ZNF81: variants seen among roughly 807,000 people sequenced by gnomAD.
ZNF81 encodes the protein zinc finger protein 81.
Under a neutral mutation model 32.3 loss-of-function variants are expected in ZNF81, and 5 were observed. The ratio of observed to expected loss-of-function variants is 0.15; its 90% confidence interval spans 0.08 to 0.33. ZNF81 has a LOEUF of 0.33. Ranked by LOEUF, ZNF81 falls within the 10% of genes least tolerant of loss-of-function variation. The pLI is 1.00. For synonymous variants in ZNF81, 163 were observed against 166.8 expected (o/e 0.98, Z 0.17); for missense variants, 379 against 479.8 (o/e 0.79, Z 1.96).
chrX:47,895,366 G>C (rs1443409921), intron 3 of ZNF81, among the ~76,000 whole-genome samples: 13 of 111,341 alleles, frequency 1.2e-4, no homozygotes, highest in African/African-American at 4.3e-4. Flanking sequence ...CATGCGTAGA[G>C]GGAAGACAAT....
chrX:47,880,633 A>G (rs782512377), intron 2 of ZNF81, among the ~76,000 whole-genome samples: 1 of 112,075 alleles, frequency 8.9e-6, no homozygotes, highest in Non-Finnish European at 1.9e-5. Context: ...TAATAATTTT[A>G]ATATAAAACT....
chrX:47,896,058 T>A, intron 4 of ZNF81, 118 bp downstream of exon 4: 1 of 540,875 alleles, frequency 1.8e-6, no homozygotes, highest in Non-Finnish European at 3.1e-6. Context: ...ATAAATTGCT[T>A]GAGGATAGGT....
At chrX:47,845,088 C>A (rs1298075955) in intron 1 of ZNF81, among the ~76,000 whole-genome samples, 1 of 111,707 alleles carries the variant, frequency 9.0e-6, no homozygotes, top group Non-Finnish European at 1.9e-5. Flanking sequence ...AGTATGTTTT[C>A]CCTCTTGTTT....
At chrX:47,886,229 T>C (rs781897008) in intron 2 of ZNF81, among the ~76,000 whole-genome samples, 39 of 112,381 alleles carry the variant, frequency 3.5e-4, no homozygotes, top group Non-Finnish European at 5.6e-4. Context: ...CACCTTTCTG[T>C]CTCTTTCTCT....
chrX:47,914,178 A>G (rs1030737727), intron 4 of ZNF81, among the ~76,000 whole-genome samples: 1 of 111,786 alleles, frequency 8.9e-6, no homozygotes, highest in African/African-American at 3.3e-5. Context: ...CTACCAAAAT[A>G]GGACTAGACT....
At chrX:47,880,774 T>G (rs1456746720) in intron 2 of ZNF81, among the ~76,000 whole-genome samples, 2 of 112,141 alleles carry the variant, frequency 1.8e-5, no homozygotes, top group Non-Finnish European at 3.8e-5. Context: ...CCTCCCTAAT[T>G]GTCTTACTTC....
chrX:47,874,464 G>A (rs1044759814), intron 2 of ZNF81, among the ~76,000 whole-genome samples: 102 of 112,466 alleles, frequency 9.1e-4, no homozygotes, highest in African/African-American at 3.1e-3. Context: ...GTTGTAAACT[G>A]GAAACACACA....
Position 47,920,765 on chromosome X carries a change from A to C in ZNF81, c.*4133A>C, listed in dbSNP as rs1021548617. ...GTTTCTTGAGAGCACTCAGTGGATGACTATGGAGAAGAGCCTGCAAGCAGA... is the reference window on the plus strand; with the variant it reads ...GTTTCTTGAGAGCACTCAGTGGATGCCTATGGAGAAGAGCCTGCAAGCAGA... On this transcript the variant is annotated 3_prime_UTR_variant, in exon 5 of 5. Coordinates refer to ENST00000338637, the MANE Select transcript of ZNF81 (RefSeq NM_007137.5). The C allele has an allele frequency of 2.7e-5, 3 of 110,458 alleles. No individual in the cohort carries two copies. The Admixed American group carries it at 2.9e-4, about 11-fold the overall frequency. The allele number at this position is 110,458 out of a possible 1,213,427, so 9.1% of individuals were successfully genotyped here. A position where few individuals can be genotyped will look rare whatever the true frequency, so the allele number is the denominator to read the frequency against.
chrX:47,837,154 G>A (rs1207492), intron 1 of ZNF81, 167 bp downstream of exon 1: 6,899 of 116,508 alleles, frequency 0.059, 501 homozygotes, highest in African/African-American at 0.21. Context: ...ATTGGGTTTG[G>A]AGCATTATGT....
At chrX:47,878,312 A>C (rs1274243029) in intron 2 of ZNF81, among the ~76,000 whole-genome samples, 1 of 112,079 alleles carries the variant, frequency 8.9e-6, no homozygotes, top group Non-Finnish European at 1.9e-5. Flanking sequence ...ACTGGTTGTT[A>C]CTAAGGGTAG....
At chrX:47,904,761 C>T (rs1220674733) in intron 4 of ZNF81, among the ~76,000 whole-genome samples, 3 of 111,931 alleles carry the variant, frequency 2.7e-5, no homozygotes, top group African/African-American at 9.8e-5. Flanking sequence ...GACACATGCA[C>T]ACATATGTTT....
chrX:47,860,326 C>G (rs187833288), intron 2 of ZNF81, among the ~76,000 whole-genome samples: 1 of 109,126 alleles, frequency 9.2e-6, no homozygotes, highest in Non-Finnish European at 1.9e-5. Flanking sequence ...CAGGCGCCCA[C>G]CACCATGCCC....
In ZNF81 at chrX:47,844,279, C is replaced by T. The variant is rs1419884453; in HGVS notation, c.-163-1826C>T. Among the ~76,000 whole-genome samples, 19 of 112,053 alleles carry T rather than the reference C, an allele frequency of 1.7e-4. No individual in the cohort carries two copies. The Admixed American group carries it at 1.8e-3, about 11-fold the overall frequency. ...ATCTAATTTTAGAACCTTTTCAACA[C>T]ACCCAAAAGAAATCCTGTCCTCATT... On this transcript the variant is annotated intron_variant, in intron 1 of 4. Coordinates refer to ENST00000338637, the MANE Select transcript of ZNF81 (RefSeq NM_007137.5).
intron 4 of ZNF81, among the ~76,000 whole-genome samples, chrX:47,896,244 A>G (rs1294417483): frequency 1.8e-5 from 2 of 111,115 alleles, no homozygotes; most frequent in African/African-American, 6.6e-5. Flanking sequence ...TCCTTCCTTC[A>G]GTCCCATTTT....
chrX:47,837,056 A>C, intron 1 of ZNF81, 69 bp downstream of exon 1: 1 of 142,118 alleles, frequency 7.0e-6, no homozygotes, highest in Non-Finnish European at 1.4e-5. Flanking sequence ...CGTTTATCTA[A>C]CTTGAGTTGG....
chrX:47,905,846 C>T (rs2058719563), intron 4 of ZNF81, among the ~76,000 whole-genome samples: 1 of 112,375 alleles, frequency 8.9e-6, no homozygotes, highest in African/African-American at 3.2e-5. Context: ...TTTCTCAAAG[C>T]GTAGCCAGAT....
chrX:47,877,717 T>G (rs1314696982), intron 2 of ZNF81, among the ~76,000 whole-genome samples: 1 of 112,208 alleles, frequency 8.9e-6, no homozygotes, highest in African/African-American at 3.2e-5. Flanking sequence ...CATTTTAAGC[T>G]GGCACATTTG....
intron 2 of ZNF81, among the ~76,000 whole-genome samples, chrX:47,857,092 G>A: frequency 8.9e-6 from 1 of 111,896 alleles, no homozygotes; most frequent in Non-Finnish European, 1.9e-5. Flanking sequence ...ACTTTGCAAG[G>A]TATGAAAGTA....
chrX:47,911,580 T>C (rs1556889941), intron 4 of ZNF81, among the ~76,000 whole-genome samples: 1 of 111,877 alleles, frequency 8.9e-6, no homozygotes, highest in East Asian at 2.8e-4. Context: ...GGGATAAGAA[T>C]AGAATTTTGC....
Sources: allele counts gnomAD v4.1 joint callset (sites outside exome capture counted in the v4.1 genomes callset), GRCh38; gene constraint gnomAD v4.1.1; transcripts MANE v1.5; gene names NCBI Gene and HGNC (gene_info 2026-07-23, HGNC 2026-07-21).